POU6F2: variants seen among roughly 807,000 people sequenced by gnomAD.
POU6F2 encodes the protein POU domain, class 6, transcription factor 2.
A neutral mutation model predicts 71.3 loss-of-function variants in POU6F2; 31 were observed. The observed-to-expected ratio is 0.43, with a 90% CI of 0.33 to 0.59. The LOEUF is 0.59. Ranked by LOEUF, POU6F2 falls within the 20% of genes least tolerant of loss-of-function variation. The pLI, the probability that POU6F2 is intolerant of heterozygous loss-of-function variation, is 0.04. For synonymous variants in POU6F2, 347 were observed against 355.7 expected, an observed-to-expected ratio of 0.98 and a Z score of 0.27; for missense variants, 783 against 856.8, an observed-to-expected ratio of 0.91 and a Z score of 1.07.
chr7:39,027,190 A>G (rs533587215), intron 1 of POU6F2, among the ~76,000 whole-genome samples: 1 of 152,280 alleles, frequency 6.6e-6, no homozygotes, highest in East Asian at 1.9e-4. Flanking sequence ...CTGAATGAGT[A>G]ATAGGAAATA....
intron 1 of POU6F2, among the ~76,000 whole-genome samples, chr7:39,016,010 T>C (rs1405886714): frequency 3.2e-5 from 2 of 63,358 alleles, no homozygotes; most frequent in African/African-American, 1.3e-4. Flanking sequence ...ATATATATTA[T>C]ATATTATATA....
chr7:39,369,515 C>G (rs770967203), intron 5 of POU6F2, among the ~76,000 whole-genome samples: 1 of 151,952 alleles, frequency 6.6e-6, no homozygotes, highest in Non-Finnish European at 1.5e-5. Context: ...CACCCACAAC[C>G]ATGCCCAGCT....
intron 5 of POU6F2, among the ~76,000 whole-genome samples, chr7:39,357,912 T>G (rs1292126664): frequency 1.3e-5 from 2 of 152,136 alleles, no homozygotes; most frequent in Non-Finnish European, 2.9e-5. Context: ...GCAGTCATGA[T>G]TCCCAGATTG....
At chr7:39,033,960 T>G (rs1485294450) in intron 1 of POU6F2, among the ~76,000 whole-genome samples, 1 of 152,198 alleles carries the variant, frequency 6.6e-6, no homozygotes, top group African/African-American at 2.4e-5. Context: ...AGATAAAAGT[T>G]GCTGAAAATC....
chr7:39,300,661 C>T (rs1025047839), intron 4 of POU6F2, among the ~76,000 whole-genome samples: 77 of 152,012 alleles, frequency 5.1e-4, no homozygotes, highest in African/African-American at 1.7e-3. Flanking sequence ...AGGCCTCTCT[C>T]CTTGGCTTGC....
intron 2 of POU6F2, among the ~76,000 whole-genome samples, chr7:39,164,199 T>C (rs1793062021): frequency 6.6e-6 from 1 of 151,934 alleles, no homozygotes; most frequent in Non-Finnish European, 1.5e-5. Flanking sequence ...ATATTTATGA[T>C]ATCATAAATT....
chr7:39,383,540 A>T (rs1786872208), intron 5 of POU6F2, among the ~76,000 whole-genome samples: 1 of 152,204 alleles, frequency 6.6e-6, no homozygotes, highest in South Asian at 2.1e-4. Flanking sequence ...CAGCATGAAG[A>T]GCTACATCTT....
intron 1 of POU6F2, among the ~76,000 whole-genome samples, chr7:39,008,571 G>T (rs1185922828): frequency 6.7e-6 from 1 of 150,210 alleles, no homozygotes; most frequent in African/African-American, 2.4e-5. Context: ...CATTGCTTTT[G>T]GTGTTTTAGA....
intron 7 of POU6F2, among the ~76,000 whole-genome samples, chr7:39,450,209 A>G (rs1205776304): frequency 6.6e-6 from 1 of 152,222 alleles, no homozygotes; most frequent in Non-Finnish European, 1.5e-5. Flanking sequence ...AGGTGCTAAC[A>G]AGGTGGTAGT....
intron 4 of POU6F2, among the ~76,000 whole-genome samples, chr7:39,307,950 G>A (rs1230387087): frequency 2.7e-5 from 4 of 146,236 alleles, no homozygotes; most frequent in East Asian, 2.0e-4. Context: ...GCAAGATTCC[G>A]TTTCAAAAAA....
chr7:39,317,021 T>C (rs192219255), intron 4 of POU6F2, among the ~76,000 whole-genome samples: 164 of 152,344 alleles, frequency 1.1e-3, no homozygotes, highest in African/African-American at 3.8e-3. Context: ...GGGAAGACTC[T>C]GATGTTCTTC....
At chr7:39,037,177 G>A (rs964309566) in intron 1 of POU6F2, among the ~76,000 whole-genome samples, 1 of 151,986 alleles carries the variant, frequency 6.6e-6, no homozygotes, top group Non-Finnish European at 1.5e-5. Flanking sequence ...TCCCTCAGAT[G>A]AGGATACTGA....
intron 4 of POU6F2, among the ~76,000 whole-genome samples, chr7:39,322,465 T>C (rs1785417187): frequency 1.3e-5 from 2 of 152,230 alleles, no homozygotes; most frequent in Non-Finnish European, 2.9e-5. Context: ...TTGGTTAGGA[T>C]GACATTTTTC....
chr7:39,275,550 A>G (rs1264337356), intron 4 of POU6F2, among the ~76,000 whole-genome samples: 1 of 152,210 alleles, frequency 6.6e-6, no homozygotes, highest in Non-Finnish European at 1.5e-5. Flanking sequence ...GGAAAAAACT[A>G]CTTTAAAGTT....
chr7:39,308,699 G>GATCC lies in POU6F2; in HGVS notation c.599-30942_599-30941insTCCA, dbSNP rs1228072164. On this transcript the variant is annotated intron_variant, in intron 4 of 9. Coordinates refer to ENST00000518318, the MANE Select transcript of POU6F2 (RefSeq NM_001370959.1). ...GTAGAACGTCATCCAGCTCAGACTG[G>GATCC]AGGCCATTGCTCCTGGGGGCAGCCA... Among the ~76,000 whole-genome samples the GATCC allele has an allele frequency of 3.3e-5, 5 of 152,148 alleles. No individual in the cohort carries two copies. In the East Asian group the frequency reaches 9.7e-4, roughly 29 times the overall value.
At chr7:39,213,573 A>G (rs964524694) in intron 4 of POU6F2, among the ~76,000 whole-genome samples, 1 of 152,162 alleles carries the variant, frequency 6.6e-6, no homozygotes, top group African/African-American at 2.4e-5. Context: ...CCTCCATCCA[A>G]CCAGGTAATC....
intron 2 of POU6F2, among the ~76,000 whole-genome samples, chr7:39,191,314 T>C (rs372807759): frequency 6.6e-6 from 1 of 152,226 alleles, no homozygotes; most frequent in East Asian, 1.9e-4. Context: ...TTTAATAAAA[T>C]ATGACATCTA....
chr7:39,366,849 G>A (rs76596374), intron 5 of POU6F2, among the ~76,000 whole-genome samples: 6,842 of 152,112 alleles, frequency 0.045, 203 homozygotes, highest in African/African-American at 0.08. Flanking sequence ...AAAGATGTGC[G>A]GATGGAGCTG....
At chr7:39,015,832 TATATA>T (rs372742738) in intron 1 of POU6F2, among the ~76,000 whole-genome samples, 12,417 of 50,226 alleles carry the variant, frequency 0.25, 2,030 homozygotes, top group Non-Finnish European at 0.33. Context: ...TATATATAGA[TATATA>T]ATATATTATA....
Sources: gnomAD v4.1 joint callset for allele counts (sites outside exome capture counted in the v4.1 genomes callset) on GRCh38, gnomAD v4.1.1 for gene constraint, MANE v1.5 for transcripts, NCBI Gene and HGNC (gene_info 2026-07-23, HGNC 2026-07-21) for gene names.